PLAA: variants seen among roughly 807,000 people sequenced by gnomAD.
PLAA encodes the protein phospholipase A2 activating protein.
Under a neutral mutation model 84.1 loss-of-function variants are expected in PLAA, and 48 were observed. The ratio of observed to expected loss-of-function variants is 0.57; its 90% CI spans 0.45 to 0.73. PLAA has a LOEUF of 0.73. Among genes scored for constraint, PLAA ranks in the 30% least tolerant of loss-of-function variants. The probability of loss-of-function intolerance (pLI) is 0.00; values close to 1 mark genes in which losing one functional copy is unlikely to be tolerated. For synonymous variants in PLAA, 392 were observed against 336.6 expected, an observed-to-expected ratio of 1.16 and a Z score of -1.80; for missense variants, 903 against 954.7, an observed-to-expected ratio of 0.95 and a Z score of 0.71.
intron 4 of PLAA, 28 bp downstream of exon 4, chr9:26,928,072 T>C (rs925725693): frequency 1.9e-6 from 3 of 1,577,838 alleles, no homozygotes; most frequent in Admixed American, 4.1e-5. Context: ...AGCAATGATA[T>C]TATAAAACTT....
In PLAA at chr9:26,905,987, G is replaced by A. The variant is rs1824224157; in HGVS notation, c.1912C>T (p.Gln638Ter). 1.9e-6 allele frequency: 3 copies of A among 1,613,676 alleles called. No homozygotes were observed. The highest frequency in any genetic ancestry group is 2.2e-5 in the East Asian group (1 of 44,892). Residue 638 changes from glutamine (Q) to a stop codon, truncating the protein, a stop_gained, in exon 14 of 14, where the codon CAG becomes TAG. Coordinates refer to ENST00000397292, the MANE Select transcript of PLAA (RefSeq NM_001031689.3). LOFTEE classifies it high-confidence loss of function. ...AGATTGATAAGATGACTGCTGAACT[G>A]AGCCCCTTCCTTTTCATTGCAGAAG... ...ENFCNEKEGAQFSSHLINLLN... is the reference protein window; with the variant it reads ...ENFCNEKEGA
Position 26,935,076 on chromosome 9 carries a change from T to A in PLAA, c.280A>T (p.Ile94Leu). The change falls in exon 2 of 14, where the codon ATA becomes TTA. Residue 94 changes from isoleucine to leucine, a missense_variant. Physicochemically the swap from Ile to Leu is conservative, Grantham distance 5 (BLOSUM62 2). Transcript: ENST00000397292. The part of the protein sequence containing the change: ...LIATGGNDHN[I>L]CIFSLDSPMP... The stretch of plus-strand genomic sequence containing the variant: ...GGACTGTCCAGTGAGAAAATGCATA[T>A]ATTGTGGTCATTTCCACCGGTGGCA... 1 of 1,610,396 alleles carries A rather than the reference T, an allele frequency of 6.2e-7. No homozygotes were observed. Among genetic ancestry groups the A allele is most frequent in the Non-Finnish European group, 8.5e-7 (1 of 1,178,778 alleles).
At chr9:26,926,996 T>C (rs918153727) in intron 4 of PLAA, among the ~76,000 whole-genome samples, 2 of 152,108 alleles carry the variant, frequency 1.3e-5, no homozygotes, top group Non-Finnish European at 2.9e-5. Flanking sequence ...GTTCAGTATC[T>C]GTTGACTTAA....
rs1249333417 is a variant in PLAA at position 26,903,443 on chromosome 9, G to A, written c.*2068C>T. Reference sequence around the variant, plus strand: ...TAAGTTTAAAAATCAGGTTATCAAAGAGTATGTATGATACAACGCTTTTTT... The same window carrying A: ...TAAGTTTAAAAATCAGGTTATCAAAAAGTATGTATGATACAACGCTTTTTT... On this transcript the variant is annotated 3_prime_UTR_variant, in exon 14 of 14. Transcript: ENST00000397292. Among the ~76,000 whole-genome samples the A allele has an allele frequency of 2.0e-5, 3 of 152,178 alleles. No homozygotes were observed. The highest frequency in any genetic ancestry group is 2.9e-5 in the Non-Finnish European group (2 of 68,018).
intron 7 of PLAA, among the ~76,000 whole-genome samples, chr9:26,922,960 T>C (rs1325842230): frequency 6.6e-6 from 1 of 152,240 alleles, no homozygotes; most frequent in East Asian, 1.9e-4. Flanking sequence ...GGGAGATTTA[T>C]TTTTTAATTC....
At chr9:26,933,265 T>TAAA (rs11299663) in intron 2 of PLAA, among the ~76,000 whole-genome samples, 1 of 137,146 alleles carries the variant, frequency 7.3e-6, no homozygotes, top group African/African-American at 2.7e-5. Context: ...AGACTCTGTC[T>TAAA]AAAAAAAAAA....
intron 9 of PLAA, 25 bp from the exon 10 acceptor site, chr9:26,917,190 G>T (rs777753124): frequency 1.3e-6 from 2 of 1,599,726 alleles, no homozygotes; most frequent in Non-Finnish European, 1.7e-6. Context: ...TAAAGAAAAG[G>T]CAGAAGTGCA....
At chr9:26,937,732 G>A (rs1247897124) in intron 1 of PLAA, among the ~76,000 whole-genome samples, 3 of 152,132 alleles carry the variant, frequency 2.0e-5, no homozygotes, top group Non-Finnish European at 4.4e-5. Flanking sequence ...AAGAAATTAT[G>A]AAGATGAAAG....
At chr9:26,943,953 C>CA (rs1331815588) in intron 1 of PLAA, among the ~76,000 whole-genome samples, 9 of 151,926 alleles carry the variant, frequency 5.9e-5, no homozygotes, top group Non-Finnish European at 1.3e-4. Context: ...GACCCTGTGT[C>CA]AAAAAAACAA....
intron 6 of PLAA, among the ~76,000 whole-genome samples, chr9:26,925,613 T>A (rs113592320): frequency 1.2e-4 from 18 of 151,618 alleles, no homozygotes; most frequent in Non-Finnish European, 1.5e-4. Flanking sequence ...ATATCATGCA[T>A]CATTGACTGC....
At chr9:26,924,821 T>C (rs1824887651) in intron 6 of PLAA, among the ~76,000 whole-genome samples, 2 of 152,322 alleles carry the variant, frequency 1.3e-5, no homozygotes, top group South Asian at 4.1e-4. Context: ...CAGAGAATGG[T>C]GTTCTATGCT....
chr9:26,906,423 CTTTTT>C (rs35324777), intron 13 of PLAA, among the ~76,000 whole-genome samples: 41 of 95,064 alleles, frequency 4.3e-4, no homozygotes, highest in African/African-American at 1.5e-3. Flanking sequence ...AGGGAAAGTT[CTTTTT>C]TTTTTTTTTT....
At chr9:26,912,409 C>A (rs1471129908) in intron 11 of PLAA, among the ~76,000 whole-genome samples, 1 of 152,112 alleles carries the variant, frequency 6.6e-6, no homozygotes, top group Non-Finnish European at 1.5e-5. Flanking sequence ...TGGGAAGCCA[C>A]TGAAGAGTTT....
intron 11 of PLAA, among the ~76,000 whole-genome samples, chr9:26,911,692 A>T (rs1302026988): frequency 6.6e-6 from 1 of 152,250 alleles, no homozygotes; most frequent in African/African-American, 2.4e-5. Context: ...AAAATTCAGC[A>T]ATATTCAATA....
Position 26,919,415 on chromosome 9 carries a change from C to A in PLAA, c.1312G>T (p.Asp438Tyr). 1 of 1,612,140 alleles carries A rather than the reference C, an allele frequency of 6.2e-7. No homozygotes were observed. The highest frequency in any genetic ancestry group is 8.5e-7 in the Non-Finnish European group (1 of 1,178,470). The change falls in exon 9 of 14, where the codon GAT (aspartate) becomes TAT (tyrosine). Residue 438 changes from aspartate (D) to tyrosine (Y), a missense_variant. Physicochemically the swap from Asp to Tyr is radical, Grantham distance 160. Transcript: ENST00000397292. ...LTAYNFLQKN[D>Y]LNPMFLDQVA... Reference sequence around the variant, plus strand: ...TGATCCAGAAACATAGGATTCAAATCATTCTTCTGTAAGAAGTTGTATGCA... The same window carrying A: ...TGATCCAGAAACATAGGATTCAAATAATTCTTCTGTAAGAAGTTGTATGCA...
chr9:26,926,351 C>T (rs1440695941), intron 5 of PLAA, 42 bp downstream of exon 5: 5 of 1,335,528 alleles, frequency 3.7e-6, no homozygotes, highest in Non-Finnish European at 5.4e-6. Flanking sequence ...TGGAATAATG[C>T]TCAATACAAA....
chr9:26,935,888 T>A (rs1052163613), intron 1 of PLAA, among the ~76,000 whole-genome samples: 2 of 151,086 alleles, frequency 1.3e-5, no homozygotes, highest in Non-Finnish European at 2.9e-5. Context: ...ATTATATATA[T>A]CAATGAACAC....
In PLAA at chr9:26,910,290, T is replaced by C. The variant is rs758002693; in HGVS notation, c.1657+48A>G. On this transcript the variant is annotated intron_variant, in intron 12 of 13. Transcript: ENST00000397292. ...GGCAAGAGAAACAACCTTGATGACA[T>C]CTCAAACAGTCTGTGAATATGTGAA... 8 of 1,374,490 alleles carry C rather than the reference T, an allele frequency of 5.8e-6. No homozygotes were observed. The South Asian group carries it at 9.3e-5, about 16-fold the overall frequency. 85.1% of individuals were successfully genotyped at this position (1,374,490 alleles called of 1,614,324 possible).
At position 26,918,288 on chromosome 9, in the gene PLAA, ATTT is replaced by A. The variant is rs1185916022; in HGVS notation, c.1417+1019_1417+1021del. Reference sequence around the variant, plus strand: ...CCATCACACCTGGCTAATTTTTTGTATTTTTTTTTTTTTTTTTTTTTAGTAGAG... The same window carrying A: ...CCATCACACCTGGCTAATTTTTTGTATTTTTTTTTTTTTTTTTTAGTAGAG... On this transcript the variant is annotated intron_variant, in intron 9 of 13. Coordinates refer to ENST00000397292, the MANE Select transcript of PLAA (RefSeq NM_001031689.3). Among the ~76,000 whole-genome samples, 12 of 95,702 alleles carry A rather than the reference ATTT, an allele frequency of 1.3e-4. No homozygotes were observed. In the East Asian group the frequency reaches 2.2e-3, roughly 18 times the overall value. The allele number at this position is 95,702 out of a possible 152,430, so 62.8% of individuals were successfully genotyped here.
Sources: gnomAD v4.1 joint callset for allele counts (sites outside exome capture counted in the v4.1 genomes callset) on GRCh38, gnomAD v4.1.1 for gene constraint, MANE v1.5 for transcripts, NCBI Gene and HGNC (gene_info 2026-07-23, HGNC 2026-07-21) for gene names.